The following LATS2 variants were observed in gnomAD, a reference collection of about 807,000 sequenced individuals.
LATS2 encodes serine/threonine-protein kinase LATS2.
In LATS2, 24 loss-of-function variants were observed where a neutral mutation model predicts 76.0. That is an observed-to-expected ratio of 0.32 (90% CI 0.23 to 0.44). LATS2 has a LOEUF of 0.44. LATS2 is among the 20% of genes least tolerant of loss of function. The probability of loss-of-function intolerance (pLI) is 1.00; values close to 1 mark genes in which losing one functional copy is unlikely to be tolerated. For synonymous variants in LATS2, 692 were observed against 635.4 expected, an observed-to-expected ratio of 1.09 and a Z score of -1.34; for missense variants, 1,286 against 1,481.2, an observed-to-expected ratio of 0.87 and a Z score of 2.16.
intron 2 of LATS2, among the ~76,000 whole-genome samples, chr13:20,993,463 C>T (rs943294014): frequency 3.9e-5 from 6 of 152,022 alleles, no homozygotes; most frequent in African/African-American, 7.2e-5. Context: ...GCAATGCAGG[C>T]GTGGGCATGG....
intron 2 of LATS2, among the ~76,000 whole-genome samples, chr13:21,018,980 C>T (rs632084): frequency 6.6e-6 from 1 of 151,896 alleles, no homozygotes; most frequent in Non-Finnish European, 1.5e-5. Flanking sequence ...TTCCTTTCTA[C>T]TTTTCTGCAG....
rs1022084083 is a variant in LATS2 at position 20,983,835 on chromosome 13, A to C, written c.1900-29T>G. The C allele has an allele frequency of 5.8e-6, 9 of 1,557,598 alleles. No homozygotes were observed. The African/African-American group carries it at 1.1e-4, about 19-fold the overall frequency. On this transcript the variant is annotated intron_variant, in intron 4 of 7. Coordinates refer to ENST00000382592, the MANE Select transcript of LATS2 (RefSeq NM_014572.3). Reference sequence around the variant, plus strand: ...TGTAGAAGGAAAAGGAAGGAGGAAGAATCACATTAGAGAAGTCCCATGATA... The same window carrying C: ...TGTAGAAGGAAAAGGAAGGAGGAAGCATCACATTAGAGAAGTCCCATGATA...
intron 1 of LATS2, among the ~76,000 whole-genome samples, chr13:21,049,760 T>TG (rs1357730803): frequency 1.3e-5 from 2 of 152,026 alleles, no homozygotes. Context: ...CAAAGGGAGT[T>TG]GGGGGTGGCT....
chr13:21,020,040 G>C (rs1191602885), intron 2 of LATS2, among the ~76,000 whole-genome samples: 1 of 151,658 alleles, frequency 6.6e-6, no homozygotes, highest in Non-Finnish European at 1.5e-5. Flanking sequence ...AGAGAACAGG[G>C]AACACATTTT....
intron 1 of LATS2, among the ~76,000 whole-genome samples, chr13:21,055,449 C>G (rs1478307566): frequency 6.6e-6 from 1 of 152,142 alleles, no homozygotes; most frequent in African/African-American, 2.4e-5. Context: ...ACAAAAACAC[C>G]TCATTCTCTA....
At chr13:21,015,777 G>A (rs191132834) in intron 2 of LATS2, among the ~76,000 whole-genome samples, 3 of 152,202 alleles carry the variant, frequency 2.0e-5, no homozygotes, top group Admixed American at 2.0e-4. Context: ...TCTGCTAACT[G>A]CAACCTCCGC....
At chr13:20,986,127 G>T (rs1870131039) in intron 4 of LATS2, among the ~76,000 whole-genome samples, 1 of 152,172 alleles carries the variant, frequency 6.6e-6, no homozygotes, top group South Asian at 2.1e-4. Flanking sequence ...TGCATGGAAA[G>T]ATGCTCATTA....
chr13:20,974,750 A>G lies in LATS2; in HGVS notation c.*120T>C, dbSNP rs1869511946. ...TGGTGAAGAGCAGAATTTCAAGTGA[A>G]GTAATCGACGGACTAATTTAAAACA... On this transcript the variant is annotated 3_prime_UTR_variant, in exon 8 of 8. Coordinates refer to ENST00000382592, the MANE Select transcript of LATS2 (RefSeq NM_014572.3). 1 of 1,046,948 alleles carries G rather than the reference A, an allele frequency of 9.6e-7. No homozygotes were observed. Among genetic ancestry groups the G allele is most frequent in the Admixed American group, 2.7e-5 (1 of 37,110 alleles). 64.9% of individuals were successfully genotyped at this position (1,046,948 alleles called of 1,614,324 possible).
intron 2 of LATS2, among the ~76,000 whole-genome samples, chr13:20,994,289 T>C (rs1870644374): frequency 6.6e-6 from 1 of 152,230 alleles, no homozygotes; most frequent in South Asian, 2.1e-4. Flanking sequence ...AGGCTTGCCC[T>C]TGTTATCTGT....
At chr13:21,006,310 A>G (rs1871267391) in intron 2 of LATS2, among the ~76,000 whole-genome samples, 1 of 152,004 alleles carries the variant, frequency 6.6e-6, no homozygotes, top group Admixed American at 6.5e-5. Context: ...GGCCCAAGAC[A>G]CACATGCAGC....
intron 2 of LATS2, among the ~76,000 whole-genome samples, chr13:21,003,492 G>C (rs1174991839): frequency 6.6e-6 from 1 of 150,980 alleles, no homozygotes; most frequent in Non-Finnish European, 1.5e-5. Flanking sequence ...CCAGGCTGGA[G>C]TGCAGTGACA....
chr13:21,032,632 A>G (rs1280135889), intron 2 of LATS2, among the ~76,000 whole-genome samples: 2 of 152,086 alleles, frequency 1.3e-5, no homozygotes, highest in African/African-American at 4.8e-5. Flanking sequence ...TGTGTGGTCC[A>G]AGACAATTCT....
chr13:21,030,053 G>C (rs1353000025), intron 2 of LATS2, among the ~76,000 whole-genome samples: 2 of 151,872 alleles, frequency 1.3e-5, no homozygotes, highest in Admixed American at 1.3e-4. Flanking sequence ...GAACCTGGGA[G>C]GGGGAGGTTG....
chr13:20,986,412 T>G (rs1289900583), intron 4 of LATS2, among the ~76,000 whole-genome samples: 1 of 152,192 alleles, frequency 6.6e-6, no homozygotes, highest in Non-Finnish European at 1.5e-5. Context: ...ATGTGGTCTG[T>G]GTACACCATG....
chr13:20,999,700 C>T (rs1870956265), intron 2 of LATS2, among the ~76,000 whole-genome samples: 1 of 152,136 alleles, frequency 6.6e-6, no homozygotes, highest in Non-Finnish European at 1.5e-5. Flanking sequence ...CCAAGCCATC[C>T]TCCTGCCTCA....
Position 21,037,106 on chromosome 13 carries a change from TA to T in LATS2, c.342+8578del, listed in dbSNP as rs575786156. 4.6e-5 allele frequency among the ~76,000 whole-genome samples: 7 copies of T among 152,330 alleles called. No individual in the cohort carries two copies. The East Asian group carries it at 5.8e-4, about 13-fold the overall frequency. ...GAACAATGGAATACAATGCAAATGT[TA>T]AAAATCATATTTTAGGACCGGGTGT... On this transcript the variant is annotated intron_variant, in intron 2 of 7. Coordinates refer to ENST00000382592, the MANE Select transcript of LATS2 (RefSeq NM_014572.3).
At position 20,987,913 on chromosome 13, in the gene LATS2, G is replaced by A. The variant is rs1359079402; in HGVS notation, c.1867C>T (p.Arg623Trp). The change falls in exon 4 of 8, where the codon CGG (arginine) becomes TGG (tryptophan). Residue 623 changes from arginine (R) to tryptophan (W), a missense_variant. Arg to Trp is a moderately radical substitution (Grantham distance 101). Coordinates refer to ENST00000382592, the MANE Select transcript of LATS2 (RefSeq NM_014572.3). ...ATTTCTTGCTCCAGCTGCAGCCTCCGGTTAACCTTCTGCTGGTAGGTTTTG... is the reference window on the plus strand; with the variant it reads ...ATTTCTTGCTCCAGCTGCAGCCTCCAGTTAACCTTCTGCTGGTAGGTTTTG... ...VIKTYQQKVN[R>W]RLQLEQEMAK... is the part of the protein sequence containing the mutation. 1 of 1,613,804 alleles carries A rather than the reference G, an allele frequency of 6.2e-7. No individual in the cohort carries two copies. Among genetic ancestry groups the A allele is most frequent in the Non-Finnish European group, 8.5e-7 (1 of 1,179,848 alleles).
chr13:21,018,824 T>C (rs1871915274), intron 2 of LATS2, among the ~76,000 whole-genome samples: 1 of 152,154 alleles, frequency 6.6e-6, no homozygotes, highest in South Asian at 2.1e-4. Context: ...TTTTGTATTT[T>C]TAGTAGAGAA....
Position 20,988,638 on chromosome 13 carries a change from A to T in LATS2, c.1142T>A (p.Leu381Gln). ...PAATLARRDS[L>Q]QKPGLEAPPR... ...CGGCGCCTCCAGGCCCGGCTTCTGCAGGGAGTCCCGGCGGGCCAGGGTGGC... is the reference window on the plus strand; with the variant it reads ...CGGCGCCTCCAGGCCCGGCTTCTGCTGGGAGTCCCGGCGGGCCAGGGTGGC... Residue 381 changes from leucine (L) to glutamine (Q), a missense_variant, in exon 4 of 8, where the codon CTG (leucine) becomes CAG (glutamine). By Grantham distance (113) the Leu-to-Gln change is moderately radical (BLOSUM62 -2). Around this residue, in one of 5 missense-constraint regions of LATS2, gnomAD observed 710 missense variants for 660.9 expected, o/e 1.07. Coordinates refer to ENST00000382592, the MANE Select transcript of LATS2 (RefSeq NM_014572.3). The T allele has an allele frequency of 6.3e-7, 1 of 1,585,992 alleles. No individual in the cohort carries two copies. Among genetic ancestry groups the T allele is most frequent in the Non-Finnish European group, 8.5e-7 (1 of 1,174,860 alleles).
Sources: allele counts gnomAD v4.1 joint callset (sites outside exome capture counted in the v4.1 genomes callset), GRCh38; gene constraint gnomAD v4.1.1; regional missense constraint gnomAD v4.1.1; transcripts MANE v1.5; gene names NCBI Gene and HGNC (gene_info 2026-07-23, HGNC 2026-07-21).